UIMC1: variants seen among roughly 807,000 people sequenced by gnomAD.
UIMC1 encodes BRCA1-A complex subunit RAP80.
UIMC1 carries 42 observed loss-of-function variants against 84.9 expected under a neutral mutation model. That is an observed-to-expected ratio of 0.49 (90% CI 0.39 to 0.64). The LOEUF (loss-of-function observed/expected upper bound fraction) is 0.64, where lower values mean the gene tolerates loss of function less well. Ranked by LOEUF, UIMC1 falls within the 30% of genes least tolerant of loss-of-function variation. The pLI is 0.00. For synonymous variants in UIMC1, 281 were observed against 293.0 expected, an observed-to-expected ratio of 0.96 and a Z score of 0.42; for missense variants, 825 against 847.6, an observed-to-expected ratio of 0.97 and a Z score of 0.33.
chr5:176,925,367 A>G (rs1762266620), intron 10 of UIMC1, among the ~76,000 whole-genome samples: 1 of 152,200 alleles, frequency 6.6e-6, no homozygotes, highest in Non-Finnish European at 1.5e-5. Context: ...AACAAGTAAA[A>G]TAACTAGAAT....
intron 1 of UIMC1, among the ~76,000 whole-genome samples, chr5:177,021,098 T>C (rs1775797639): frequency 6.6e-6 from 1 of 152,000 alleles, no homozygotes; most frequent in South Asian, 2.1e-4. Context: ...GCTAACATAG[T>C]GAAACCCCGT....
intron 7 of UIMC1, among the ~76,000 whole-genome samples, chr5:176,957,889 T>C (rs916221034): frequency 4.6e-5 from 7 of 152,226 alleles, no homozygotes; most frequent in Admixed American, 3.9e-4. Context: ...CTCTAGGATC[T>C]CTTCCAGCTC....
In UIMC1 at chr5:176,911,335, G is replaced by A. The variant is rs1358964351; in HGVS notation, c.1652C>T (p.Ala551Val). The change falls in exon 11 of 15, where the codon GCC (alanine) becomes GTC (valine). Residue 551 changes from alanine to valine, a missense_variant. By Grantham distance (64) the Ala-to-Val change is moderately conservative. Coordinates refer to ENST00000511320, the MANE Select transcript of UIMC1 (RefSeq NM_001199298.2). ...CTTGTCAATGTCTAGAGAAGTCTGGGCAGCTGTCCCACTGTCACTCTTGGT... is the reference window on the plus strand; with the variant it reads ...CTTGTCAATGTCTAGAGAAGTCTGGACAGCTGTCCCACTGTCACTCTTGGT... ...AKTKSDSGTA[A>V]QTSLDIDKNE... 1 of 1,598,758 alleles carries A rather than the reference G, an allele frequency of 6.3e-7. No homozygotes were observed. Among genetic ancestry groups the A allele is most frequent in the Non-Finnish European group, 8.5e-7 (1 of 1,171,552 alleles).
At chr5:177,019,804 T>G (rs1775748565) in intron 1 of UIMC1, among the ~76,000 whole-genome samples, 1 of 151,538 alleles carries the variant, frequency 6.6e-6, no homozygotes, top group Non-Finnish European at 1.5e-5. Flanking sequence ...TAGTGATGGA[T>G]GTCTGTAATC....
chr5:177,009,306 G>A (rs1775493918), upstream of UIMC1, among the ~76,000 whole-genome samples: 1 of 151,790 alleles, frequency 6.6e-6, no homozygotes, highest in Non-Finnish European at 1.5e-5. This position sits in a 1 kb window ranked among gnomAD's most constrained non-coding sequence, Gnocchi z 4.3. Flanking sequence ...ACTGCACCTG[G>A]CCTATGTTTT....
chr5:176,919,222 C>T (rs1232809541), intron 10 of UIMC1: 6 of 373,844 alleles, frequency 1.6e-5, no homozygotes, highest in East Asian at 1.1e-4. Context: ...GAGGCTGCAG[C>T]GAGCCAAGGT....
chr5:176,925,493 C>G (rs1419125453), intron 10 of UIMC1, among the ~76,000 whole-genome samples: 1 of 152,044 alleles, frequency 6.6e-6, no homozygotes, highest in African/African-American at 2.4e-5. Flanking sequence ...GATGTGAAAT[C>G]TTATGCTCAC....
chr5:176,915,427 A>T (rs973528731), intron 10 of UIMC1, among the ~76,000 whole-genome samples: 2 of 151,636 alleles, frequency 1.3e-5, no homozygotes, highest in Non-Finnish European at 2.9e-5. Flanking sequence ...CCTACAAAGA[A>T]TATATCATTA....
At chr5:176,977,765 G>A (rs538085925) in intron 2 of UIMC1, among the ~76,000 whole-genome samples, 3 of 151,416 alleles carry the variant, frequency 2.0e-5, no homozygotes, top group Non-Finnish European at 3.0e-5. Flanking sequence ...CAAAAATTGC[G>A]CAGGTGTGGT....
chr5:176,983,509 G>A (rs1445118039), intron 1 of UIMC1, among the ~76,000 whole-genome samples: 1 of 152,154 alleles, frequency 6.6e-6, no homozygotes, highest in African/African-American at 2.4e-5. Context: ...TGCTGGGATT[G>A]CAGACGGAGT....
chr5:177,019,537 G>A (rs1775742569), intron 1 of UIMC1, among the ~76,000 whole-genome samples: 1 of 151,754 alleles, frequency 6.6e-6, no homozygotes, highest in South Asian at 2.1e-4. Context: ...TGCTACTCAG[G>A]AGGCTGAGGC....
At chr5:176,936,689 G>A (rs930107656) in intron 10 of UIMC1, among the ~76,000 whole-genome samples, 1 of 151,964 alleles carries the variant, frequency 6.6e-6, no homozygotes, top group South Asian at 2.1e-4. Context: ...CACACCTCAG[G>A]GTTTTTGCAT....
At chr5:176,905,566 G>C in intron 14 of UIMC1, 74 bp from the exon 15 acceptor site, 1 of 1,359,346 alleles carries the variant, frequency 7.4e-7, no homozygotes, top group East Asian at 2.3e-5. Context: ...CACTGTATCA[G>C]GGGATTTTAC....
chr5:176,909,000 T>C (rs539730976), intron 11 of UIMC1, among the ~76,000 whole-genome samples: 26 of 152,358 alleles, frequency 1.7e-4, no homozygotes, highest in African/African-American at 5.5e-4. Context: ...AGACATAAAA[T>C]ATTCTGTCGA....
intron 10 of UIMC1, among the ~76,000 whole-genome samples, chr5:176,917,965 A>G (rs1362470663): frequency 6.6e-6 from 1 of 152,232 alleles, no homozygotes; most frequent in African/African-American, 2.4e-5. Context: ...GTCTCAAAAA[A>G]TAATAAAAAA....
intron 1 of UIMC1, among the ~76,000 whole-genome samples, chr5:177,021,714 G>A (rs975664088): frequency 1.5e-4 from 23 of 151,898 alleles, no homozygotes; most frequent in Admixed American, 9.8e-4. Context: ...GTGCAATGGC[G>A]CCAGCTCGGC....
chr5:176,912,184 A>G (rs190707582), intron 10 of UIMC1, among the ~76,000 whole-genome samples: 5 of 152,368 alleles, frequency 3.3e-5, no homozygotes, highest in Non-Finnish European at 7.3e-5. Context: ...TCCAGGGGTC[A>G]GCAAACTTTA....
At chr5:176,932,306 A>T (rs1270000469) in intron 10 of UIMC1, among the ~76,000 whole-genome samples, 1 of 152,242 alleles carries the variant, frequency 6.6e-6, no homozygotes, top group East Asian at 1.9e-4. Context: ...TTTGTTTTAT[A>T]AGCTGCTCCT....
intron 8 of UIMC1, among the ~76,000 whole-genome samples, chr5:176,953,625 T>A (rs1043641785): frequency 6.6e-6 from 1 of 151,940 alleles, no homozygotes; most frequent in African/African-American, 2.4e-5. Flanking sequence ...TATTTAAAAG[T>A]AAGAACCATT....
Sources: gnomAD v4.1 joint callset for allele counts (sites outside exome capture counted in the v4.1 genomes callset) on GRCh38, gnomAD v4.1.1 for gene constraint, Gnocchi (gnomAD v3.1) non-coding constraint, MANE v1.5 for transcripts, NCBI Gene and HGNC (gene_info 2026-07-23, HGNC 2026-07-21) for gene names.